The following TMEM33 variants were observed in gnomAD, a reference collection of about 807,000 sequenced individuals.
The protein encoded by TMEM33 is transmembrane protein 33.
Under a neutral mutation model 29.7 loss-of-function variants are expected in TMEM33, and 16 were observed. The observed-to-expected ratio is 0.54, with a 90% CI of 0.36 to 0.82. TMEM33 has a LOEUF of 0.82. Ranked by LOEUF, TMEM33 falls within the 40% of genes least tolerant of loss-of-function variation. The probability of loss-of-function intolerance (pLI) is 0.00; values close to 1 mark genes in which losing one functional copy is unlikely to be tolerated. For synonymous variants in TMEM33, 112 were observed against 109.4 expected (o/e 1.02, Z -0.15); for missense variants, 252 against 295.3 (o/e 0.85, Z 1.08).
intron 3 of TMEM33, 89 bp from the exon 4 acceptor site, chr4:41,943,658 T>A: frequency 8.6e-7 from 1 of 1,168,416 alleles, no homozygotes; most frequent in South Asian, 1.3e-5. Flanking sequence ...TAGCAGATGT[T>A]TCACATCTGT....
In TMEM33 at chr4:41,954,449, T is replaced by G. The variant is rs1713176360; in HGVS notation, c.*250T>G. The G allele has an allele frequency of 3.8e-6, 1 of 261,904 alleles. No homozygotes were observed. The allele number at this position is 261,904 out of a possible 1,614,324, so 16.2% of individuals were successfully genotyped here. On this transcript the variant is annotated 3_prime_UTR_variant, in exon 7 of 7. Transcript: ENST00000504986. Reference sequence around the variant, plus strand: ...TGTATCTAGTGATAAATATACCAGTTTTTTTAAAAAGATGCTGTTGTGCCT... The same window carrying G: ...TGTATCTAGTGATAAATATACCAGTGTTTTTAAAAAGATGCTGTTGTGCCT...
chr4:41,937,052 G>C (rs1360781668), intron 1 of TMEM33, among the ~76,000 whole-genome samples: 1 of 147,642 alleles, frequency 6.8e-6, no homozygotes, highest in Non-Finnish European at 1.5e-5. Context: ...CAAAGATCTA[G>C]TGATTTTTTT....
rs918226515 is a variant in TMEM33 at position 41,944,855 on chromosome 4, A to C, written c.459A>C (p.Gln153His). ...TCTTGGACAAATTAAGTGCTAATCA[A>C]CAAAATATTCTGAAATTCATTGCTT... ...RSVLDKLSAN[Q>H]QNILKFIACN... Residue 153 changes from glutamine to histidine, a missense_variant, in exon 5 of 7, where the codon CAA becomes CAC. Coordinates refer to ENST00000504986, the MANE Select transcript of TMEM33 (RefSeq NM_018126.3). The C allele has an allele frequency of 1.2e-6, 2 of 1,613,620 alleles. No individual in the cohort carries two copies.
rs1264931914 is a variant in TMEM33 at position 41,959,241 on chromosome 4, G to A, written c.*5042G>A. 1 of 152,174 alleles carries A rather than the reference G, an allele frequency of 6.6e-6. No homozygotes were observed. Among genetic ancestry groups the A allele is most frequent in the African/African-American group, 2.4e-5 (1 of 41,432 alleles). 9.4% of individuals were successfully genotyped at this position (152,174 alleles called of 1,614,324 possible). A position where few individuals can be genotyped will look rare whatever the true frequency, so the allele number is the denominator to read the frequency against. On this transcript the variant is annotated 3_prime_UTR_variant, in exon 7 of 7. Transcript: ENST00000504986. Reference sequence around the variant, plus strand: ...AACAAAGGAGCTTCTAAAGGTTTGGGAGGTTTACTGGTAGTAACTATTCTA... The same window carrying A: ...AACAAAGGAGCTTCTAAAGGTTTGGAAGGTTTACTGGTAGTAACTATTCTA...
rs560266754 is a variant in TMEM33 at position 41,954,379 on chromosome 4, T to C, written c.*180T>C. ...CATGTTAAATCAAGCTTAAAAAGTT[T>C]TGAGAAAATTTTACTGCGCTGTGTT... On this transcript the variant is annotated 3_prime_UTR_variant, in exon 7 of 7. Coordinates refer to ENST00000504986, the MANE Select transcript of TMEM33 (RefSeq NM_018126.3). 1.5e-5 allele frequency: 11 copies of C among 717,598 alleles called. No individual in the cohort carries two copies. Among genetic ancestry groups the C allele is most frequent in the African/African-American group, 9.0e-5 (5 of 55,348 alleles). 44.5% of individuals were successfully genotyped at this position (717,598 alleles called of 1,614,324 possible).
rs560264249 is a variant in TMEM33 at position 41,954,315 on chromosome 4, C to T, written c.*116C>T. On this transcript the variant is annotated 3_prime_UTR_variant, in exon 7 of 7. Transcript: ENST00000504986. ...ACCTCAATCCAATTTACATAATTTA[C>T]ATAAATGCATCTCGGTGGAAAAATA... The T allele has an allele frequency of 2.8e-6, 3 of 1,062,374 alleles. No individual in the cohort carries two copies. In the South Asian group the frequency reaches 6.4e-5, roughly 23 times the overall value. The allele number at this position is 1,062,374 out of a possible 1,614,324, so 65.8% of individuals were successfully genotyped here. A position where few individuals can be genotyped will look rare whatever the true frequency, so the allele number is the denominator to read the frequency against.
At chr4:41,951,759 C>T (rs560145582) in intron 6 of TMEM33, among the ~76,000 whole-genome samples, 75 of 152,198 alleles carry the variant, frequency 4.9e-4, no homozygotes, top group African/African-American at 1.6e-3. Flanking sequence ...GGAACATAAG[C>T]CAAGTCTTTT....
intron 1 of TMEM33, among the ~76,000 whole-genome samples, chr4:41,937,520 T>G (rs879897414): frequency 2.6e-5 from 4 of 152,218 alleles, no homozygotes; most frequent in Non-Finnish European, 4.4e-5. Context: ...ATAATGAAAT[T>G]AAATTACATA....
At chr4:41,951,961 T>C (rs1389196127) in intron 6 of TMEM33, among the ~76,000 whole-genome samples, 1 of 152,196 alleles carries the variant, frequency 6.6e-6, no homozygotes, top group Non-Finnish European at 1.5e-5. Flanking sequence ...ATAGAGAGGC[T>C]GGGAACCCCC....
At chr4:41,951,095 C>G (rs374593175) in intron 6 of TMEM33, among the ~76,000 whole-genome samples, 2 of 152,128 alleles carry the variant, frequency 1.3e-5, no homozygotes, top group African/African-American at 4.8e-5. Flanking sequence ...GAGACCATCT[C>G]TATTCACAAT....
At chr4:41,938,441 A>G (rs1191395382) in intron 1 of TMEM33, among the ~76,000 whole-genome samples, 161 bp from the exon 2 acceptor site, 2 of 152,240 alleles carry the variant, frequency 1.3e-5, no homozygotes, top group Admixed American at 1.3e-4. Flanking sequence ...TTAAGCATAT[A>G]CATGAAACAT....
intron 6 of TMEM33, among the ~76,000 whole-genome samples, chr4:41,951,049 A>T (rs1228359811): frequency 8.5e-6 from 1 of 118,188 alleles, no homozygotes; most frequent in African/African-American, 2.5e-5. Context: ...ATAAAACTAC[A>T]TTTTCAGTAC....
chr4:41,943,771 T>C lies in TMEM33; in HGVS notation c.353T>C (p.Phe118Ser), dbSNP rs774231768. 6.2e-7 allele frequency: 1 copy of C among 1,613,962 alleles called. No individual in the cohort carries two copies. Residue 118 changes from phenylalanine to serine, a missense_variant, in exon 4 of 7, where the codon TTC becomes TCC. Phe to Ser is a radical substitution (Grantham distance 155, BLOSUM62 -2). Coordinates refer to ENST00000504986, the MANE Select transcript of TMEM33 (RefSeq NM_018126.3). Reference protein sequence around the residue: ...VTMSIFPVLLFSLLHAATYTK... With the variant: ...VTMSIFPVLLSSLLHAATYTK... ...GTGAGTATCTTCCCAGTCTTGTTAT[T>C]CTCTTTGCTTCATGCTGCCACATAT...
At chr4:41,948,325 T>C (rs1010923728) in intron 5 of TMEM33, among the ~76,000 whole-genome samples, 1 of 152,164 alleles carries the variant, frequency 6.6e-6, no homozygotes, top group Non-Finnish European at 1.5e-5. Flanking sequence ...GGGAAACTTG[T>C]TTTTTAAGTG....
chr4:41,938,652 G>A lies in TMEM33; in HGVS notation c.96G>A (p.Leu32=). 1 of 1,614,090 alleles carries A rather than the reference G, an allele frequency of 6.2e-7. No individual in the cohort carries two copies. Among genetic ancestry groups the A allele is most frequent in the Middle Eastern group, 1.6e-4 (1 of 6,062 alleles). The change falls in exon 2 of 7, where the codon TTG becomes TTA. Residue 32 remains leucine, a synonymous_variant. Transcript: ENST00000504986. ...ACACGGCAATGTGGCTTTCTCGCTT[G>A]TTCACAGTTTACTGCTCTGCTCTGT... The part of the protein sequence containing the change: ...KLDTAMWLSR[L]FTVYCSALFV...
At chr4:41,951,693 G>A (rs577823404) in intron 6 of TMEM33, among the ~76,000 whole-genome samples, 2 of 152,298 alleles carry the variant, frequency 1.3e-5, no homozygotes, top group Admixed American at 6.5e-5. Context: ...GATGATGAAG[G>A]TGCTCTGAAA....
chr4:41,938,559 G>T, intron 1 of TMEM33, 43 bp from the exon 2 acceptor site: 2 of 1,550,934 alleles, frequency 1.3e-6, no homozygotes, highest in South Asian at 1.1e-5. Context: ...TTAAAAACAT[G>T]ATTTGCAGGC....
chr4:41,937,055 AT>A (rs78394595), intron 1 of TMEM33, among the ~76,000 whole-genome samples: 1,747 of 139,828 alleles, frequency 0.012, 15 homozygotes, highest in African/African-American at 0.029. Flanking sequence ...AGATCTAGTG[AT>A]TTTTTTTTTT....
At chr4:41,945,475 G>A (rs1412864870) in intron 5 of TMEM33, among the ~76,000 whole-genome samples, 2 of 152,114 alleles carry the variant, frequency 1.3e-5, no homozygotes, top group African/African-American at 2.4e-5. Context: ...TACAAGTAAT[G>A]AGACATTACA....
Sources: allele counts gnomAD v4.1 joint callset (sites outside exome capture counted in the v4.1 genomes callset), GRCh38; gene constraint gnomAD v4.1.1; transcripts MANE v1.5; gene names NCBI Gene and HGNC (gene_info 2026-07-23, HGNC 2026-07-21).